Variants in TRIM28 observed in about 807,000 individuals in gnomAD.
TRIM28 encodes tripartite motif containing 28, also known as transcription intermediary factor 1-beta.
A neutral mutation model predicts 87.4 loss-of-function variants in TRIM28; 8 were observed. The observed-to-expected ratio is 0.09, with a 90% confidence interval of 0.05 to 0.17. The LOEUF is 0.17. Ranked by LOEUF, TRIM28 falls within the 10% of genes least tolerant of loss-of-function variation. TRIM28 has a pLI of 1.00. For missense variants in TRIM28, 968 were observed against 1,131.8 expected, an observed-to-expected ratio of 0.86 and a Z score of 2.08; for synonymous variants, 601 against 454.3, an observed-to-expected ratio of 1.32 and a Z score of -4.11.
At chr19:58,546,969 A>C (rs553997446) in intron 3 of TRIM28, among the ~76,000 whole-genome samples, 1 of 151,576 alleles carries the variant, frequency 6.6e-6, no homozygotes, top group Non-Finnish European at 1.5e-5. Context: ...GTTAACCATG[A>C]AAGGAGAAGA....
Position 58,549,156 on chromosome 19 carries a change from T to G in TRIM28, c.1578T>G (p.Ala526=). ...ACCTTATTGTTATTGAACGTGGCGC[T>G]GCCGCTGCAGCTACCGGCCAGCCAG... The part of the protein sequence containing the change: ...DYNLIVIERG[A]AAAATGQPGT... Residue 526 remains alanine, a synonymous_variant, in exon 12 of 17, where the codon GCT becomes GCG. Transcript: ENST00000253024. This position sits in a 1 kb window ranked among gnomAD's most constrained non-coding sequence, Gnocchi z 4.4. The G allele has an allele frequency of 6.2e-7, 1 of 1,614,076 alleles. No individual in the cohort carries two copies. The highest frequency in any genetic ancestry group is 1.1e-5 in the South Asian group (1 of 91,086).
chr19:58,547,321 C>A, intron 3 of TRIM28, 55 bp from the exon 4 acceptor site: 2 of 1,595,530 alleles, frequency 1.3e-6, no homozygotes, highest in Admixed American at 1.7e-5. Flanking sequence ...CATTCTGCTT[C>A]CTGAGTTGGG....
At position 58,544,587 on chromosome 19, in the gene TRIM28, C is replaced by A; in HGVS notation, c.-171C>A. 6.0e-6 allele frequency: 1 copy of A among 165,302 alleles called. No individual in the cohort carries two copies. The highest frequency in any genetic ancestry group is 1.7e-4 in the South Asian group (1 of 5,916). 10.2% of individuals were successfully genotyped at this position (165,302 alleles called of 1,614,324 possible). On this transcript the variant is annotated 5_prime_UTR_variant, in exon 1 of 17. Coordinates refer to ENST00000253024, the MANE Select transcript of TRIM28 (RefSeq NM_005762.3). Reference sequence around the variant, plus strand: ...GCGAGCAGGCAGCAGTTGGCCGTGCCGTAGCAGCGTCCCGCGCGCGGCGGG... The same window carrying A: ...GCGAGCAGGCAGCAGTTGGCCGTGCAGTAGCAGCGTCCCGCGCGCGGCGGG...
intron 2 of TRIM28, 112 bp downstream of exon 2, chr19:58,545,649 G>A: frequency 6.6e-7 from 1 of 1,519,180 alleles, no homozygotes; most frequent in Non-Finnish European, 9.0e-7. Context: ...GCTCTGGGTG[G>A]GCTGCCTAGG....
intron 3 of TRIM28, among the ~76,000 whole-genome samples, 175 bp downstream of exon 3, chr19:58,546,071 T>A (rs1555799154): frequency 6.6e-6 from 1 of 151,884 alleles, no homozygotes. Flanking sequence ...GTGTGTAGTC[T>A]CTAGGGCCTA....
In TRIM28 at chr19:58,544,165, T is replaced by C. The variant is rs1433044752; in HGVS notation, c.-593T>C. On this transcript the variant is annotated 5_prime_UTR_variant, in exon 1 of 17. Transcript: ENST00000253024. ...GCTTGGGCGCACAGCGGCCCGCTTC[T>C]GTGTGGTCTGGAGGTGGAGCTGAGA... The C allele has an allele frequency of 6.6e-6, 1 of 152,406 alleles. No homozygotes were observed. Among genetic ancestry groups the C allele is most frequent in the East Asian group, 1.9e-4 (1 of 5,204 alleles). The allele number at this position is 152,406 out of a possible 1,614,324, so 9.4% of individuals were successfully genotyped here.
In TRIM28 at chr19:58,550,275, G is replaced by A. The variant is rs1568663528; in HGVS notation, c.2322G>A (p.Lys774=). 5.6e-6 allele frequency: 9 copies of A among 1,614,002 alleles called. No homozygotes were observed. Among genetic ancestry groups the A allele is most frequent in the East Asian group, 2.2e-5 (1 of 44,898 alleles). Residue 774 remains lysine, a synonymous_variant, in exon 16 of 17, where the codon AAG becomes AAA. Coordinates refer to ENST00000253024, the MANE Select transcript of TRIM28 (RefSeq NM_005762.3). Reference sequence around the variant, plus strand: ...GCCGCATGTTCAAGCAATTCAACAAGTTAACTGAGGTGAGCCAGTGGAATG... The same window carrying A: ...GCCGCATGTTCAAGCAATTCAACAAATTAACTGAGGTGAGCCAGTGGAATG... ...DVGRMFKQFN[K]LTEDKADVQS...
In TRIM28 at chr19:58,548,540, C is replaced by T. The variant is rs993521062; in HGVS notation, c.1271C>T (p.Ala424Val). 7 of 1,613,884 alleles carry T rather than the reference C, an allele frequency of 4.3e-6. No individual in the cohort carries two copies. Among genetic ancestry groups the T allele is most frequent in the Admixed American group, 1.7e-5 (1 of 60,002 alleles). ...AACTCAACAGGCCCTGCACCCATGG[C>T]CCCTCCAAGAGCCCCAGGGCCCCTG... ...GTNSTGPAPM[A>V]PPRAPGPLSK... Residue 424 changes from alanine to valine, a missense_variant, in exon 9 of 17, where the codon GCC becomes GTC. Physicochemically the swap from Ala to Val is moderately conservative, Grantham distance 64. Coordinates refer to ENST00000253024, the MANE Select transcript of TRIM28 (RefSeq NM_005762.3).
In TRIM28 at chr19:58,549,858, C is replaced by T. The variant is rs924015940; in HGVS notation, c.2104C>T (p.Arg702Trp). ...GGCCAAGCTCTCACCAGCCAACCAG[C>T]GGGTGAGGGCTGGGGTTACTTAGGT... ...VVAKLSPANQ[R>W]KCERVLLALF... is the part of the protein sequence containing the mutation. Residue 702 changes from arginine to tryptophan, a missense_variant and splice_region_variant, in exon 14 of 17, where the codon CGG (arginine) becomes TGG (tryptophan). Arg to Trp is a moderately radical substitution (Grantham distance 101). Around this residue, in one of 11 missense-constraint regions of TRIM28, gnomAD observed 192 missense variants for 225.6 expected, o/e 0.85. Transcript: ENST00000253024. The surrounding 1 kb of genome is among the most constrained non-coding windows in gnomAD (Gnocchi z 4.4). The T allele has an allele frequency of 5.0e-6, 8 of 1,612,182 alleles. No individual in the cohort carries two copies. Among genetic ancestry groups the T allele is most frequent in the East Asian group, 2.2e-5 (1 of 44,848 alleles).
rs1210675024 is a variant in TRIM28, at chr19:58,547,797, G to A, written c.845G>A (p.Arg282His). 5 of 1,614,094 alleles carry A rather than the reference G, an allele frequency of 3.1e-6. No individual in the cohort carries two copies. Among genetic ancestry groups the A allele is most frequent in the Non-Finnish European group, 3.4e-6 (4 of 1,180,030 alleles). Residue 282 changes from arginine (R) to histidine (H), a missense_variant, in exon 6 of 17, where the codon CGC (arginine) becomes CAC (histidine). Transcript: ENST00000253024. Reference sequence around the variant, plus strand: ...TGACCTGCTGTGTCCCCTAGAATCCGCCAGGTGTCTGACGTACAGAAGCGT... The same window carrying A: ...TGACCTGCTGTGTCCCCTAGAATCCACCAGGTGTCTGACGTACAGAAGCGT... ...KSTKEVRSSI[R>H]QVSDVQKRVQ...
rs182151126 is a variant in TRIM28, at chr19:58,547,992, C to G, written c.955-42C>G. ...TGGGGTGAGGAGTGATCCTAGTATT[C>G]TTCTGCCTTCTCTGCTTACCTCATA... On this transcript the variant is annotated intron_variant, in intron 6 of 16. Coordinates refer to ENST00000253024, the MANE Select transcript of TRIM28 (RefSeq NM_005762.3). 6 of 1,606,692 alleles carry G rather than the reference C, an allele frequency of 3.7e-6. No individual in the cohort carries two copies. In the Admixed American group the frequency reaches 6.7e-5, roughly 18 times the overall value.
At chr19:58,548,837 C>T (rs1255407795) in intron 10 of TRIM28, 25 bp from the exon 11 acceptor site, 5 of 1,614,078 alleles carry the variant, frequency 3.1e-6, no homozygotes, top group Non-Finnish European at 3.4e-6. Context: ...CCCAACCTGC[C>T]AGTCTTCTTT....
intron 2 of TRIM28, 108 bp downstream of exon 2, chr19:58,545,645 G>C: frequency 6.6e-7 from 1 of 1,515,502 alleles, no homozygotes; most frequent in Non-Finnish European, 9.0e-7. Context: ...CAAGGCTCTG[G>C]GTGGGCTGCC....
chr19:58,550,066 G>T lies in TRIM28; in HGVS notation c.2193+31G>T, dbSNP rs113215115. On this transcript the variant is annotated intron_variant, in intron 15 of 16. Coordinates refer to ENST00000253024, the MANE Select transcript of TRIM28 (RefSeq NM_005762.3). ...TCCTAGGATGGGAAAGGGGAAGGGG[G>T]TGGTGGCTGCTGGGTCTCGCCCTCA... The T allele has an allele frequency of 1.7e-4, 278 of 1,613,864 alleles. No homozygotes were observed. The African/African-American group carries it at 3.2e-3, about 19-fold the overall frequency.
intron 2 of TRIM28, 81 bp downstream of exon 2, chr19:58,545,618 C>T: frequency 6.8e-7 from 1 of 1,480,330 alleles, no homozygotes; most frequent in Non-Finnish European, 9.3e-7. Flanking sequence ...CAGCTCCAGG[C>T]TGTTACTCCA....
rs1321175383 is a variant in TRIM28, at chr19:58,544,953, G to A, written c.196G>A (p.Gly66Ser). ...AEALELLEHC[G>S]VCRERLRPER... Reference sequence around the variant, plus strand: ...GGCGCTGGAGCTGCTGGAGCACTGCGGCGTGTGCAGAGAGCGCCTGCGACC... The same window carrying A: ...GGCGCTGGAGCTGCTGGAGCACTGCAGCGTGTGCAGAGAGCGCCTGCGACC... Residue 66 changes from glycine (G) to serine (S), a missense_variant, in exon 1 of 17, where the codon GGC (glycine) becomes AGC (serine). Around this residue, in one of 11 missense-constraint regions of TRIM28, gnomAD observed 208 missense variants for 170.9 expected, o/e 1.22. Coordinates refer to ENST00000253024, the MANE Select transcript of TRIM28 (RefSeq NM_005762.3). 2 of 1,497,880 alleles carry A rather than the reference G, an allele frequency of 1.3e-6. No homozygotes were observed. Among genetic ancestry groups the A allele is most frequent in the Non-Finnish European group, 1.8e-6 (2 of 1,134,156 alleles). The allele number at this position is 1,497,880 out of a possible 1,614,324, so 92.8% of individuals were successfully genotyped here.
Sources: allele counts gnomAD v4.1 joint callset (sites outside exome capture counted in the v4.1 genomes callset), GRCh38; gene constraint gnomAD v4.1.1; regional missense constraint gnomAD v4.1.1; non-coding constraint Gnocchi (gnomAD v3.1); transcripts MANE v1.5; gene names NCBI Gene and HGNC (gene_info 2026-07-23, HGNC 2026-07-21).